The following CARHSP1 variants were observed in gnomAD, a reference collection of about 807,000 sequenced individuals.
CARHSP1 encodes the protein calcium regulated heat stable protein 1, also known as calcium-regulated heat-stable protein 1.
In CARHSP1, 14 loss-of-function variants were observed where a neutral mutation model predicts 12.5. The ratio of observed to expected loss-of-function variants is 1.12; its 90% CI spans 0.74 to 1.75. The LOEUF is 1.75. Ranked by LOEUF, CARHSP1 falls within the 40% of genes most tolerant of loss-of-function variation. The pLI is 0.00. For missense variants in CARHSP1, 343 were observed against 201.6 expected (o/e 1.70, Z -4.25); for synonymous variants, 161 against 82.0 (o/e 1.96, Z -5.20).
At chr16:8,857,261 C>CTGTTTTTTGTTTTTTGTTTTT (rs1278325573) in intron 3 of CARHSP1, among the ~76,000 whole-genome samples, 7 of 44,306 alleles carry the variant, frequency 1.6e-4, no homozygotes, top group South Asian at 8.9e-4. Flanking sequence ...TTGGGCAGAT[C>CTGTTTTTTGTTTTTTGTTTTT]TGTTTTTTTT....
At chr16:8,861,680 C>G (rs1042935977) in intron 1 of CARHSP1, 2 of 1,289,098 alleles carry the variant, frequency 1.6e-6, no homozygotes, top group Non-Finnish European at 2.0e-6. Context: ...TGTCCCTTCT[C>G]TCAGCTACAG....
At chr16:8,863,768 G>T (rs1487658700) in intron 1 of CARHSP1, among the ~76,000 whole-genome samples, 1 of 152,124 alleles carries the variant, frequency 6.6e-6, no homozygotes, top group Admixed American at 6.5e-5. Context: ...GAAAACAACT[G>T]GGGGGCGGGT....
rs1267445297 is a variant in CARHSP1 at position 8,859,420 on chromosome 16, A to C, written c.-7-85T>G. ...CCCCCATGTCCACGTCTGACAGTCC[A>C]GTATCTGAGGCTCATTCCTCTCGGG... On this transcript the variant is annotated intron_variant, in intron 1 of 3. Coordinates refer to ENST00000311052, the MANE Select transcript of CARHSP1 (RefSeq NM_014316.4). 5 of 1,232,202 alleles carry C rather than the reference A, an allele frequency of 4.1e-6. No homozygotes were observed. In the African/African-American group the frequency reaches 6.0e-5, roughly 15 times the overall value. 76.3% of individuals were successfully genotyped at this position (1,232,202 alleles called of 1,614,324 possible).
At chr16:8,866,483 T>A in intron 1 of CARHSP1, 1 of 985,262 alleles carries the variant, frequency 1.0e-6, no homozygotes, top group South Asian at 4.7e-5. Flanking sequence ...CCCATCCCAG[T>A]CTCCAGCGCA....
intron 1 of CARHSP1, among the ~76,000 whole-genome samples, chr16:8,862,575 G>A (rs1437318941): frequency 1.3e-5 from 2 of 152,160 alleles, no homozygotes; most frequent in African/African-American, 2.4e-5. Flanking sequence ...GGGGGAGAAG[G>A]GTGGGAATAC....
rs2061261082 is a variant in CARHSP1, at chr16:8,859,235, A to C, written c.94T>G (p.Ser32Ala). Residue 32 changes from serine to alanine, a missense_variant, in exon 2 of 4, where the codon TCC becomes GCC. Transcript: ENST00000311052. Reference protein sequence around the residue: ...DTPRSRERSPSPLRGNVVPSP... With the variant: ...DTPRSRERSPAPLRGNVVPSP... ...GGGACCACGTTGCCCCGCAGAGGGG[A>C]TGGTGAGCGCTCACGGCTCCGAGGG... 1.9e-6 allele frequency: 3 copies of C among 1,598,290 alleles called. No homozygotes were observed. Among genetic ancestry groups the C allele is most frequent in the Non-Finnish European group, 2.6e-6 (3 of 1,175,326 alleles).
chr16:8,858,327 A>C (rs769486241), intron 3 of CARHSP1, 23 bp downstream of exon 3: 2 of 1,609,916 alleles, frequency 1.2e-6, no homozygotes, highest in East Asian at 2.2e-5. Context: ...CAGCCAGGCC[A>C]CCCAGACCTG....
chr16:8,860,412 C>T, intron 1 of CARHSP1: 3 of 985,430 alleles, frequency 3.0e-6, no homozygotes, highest in Non-Finnish European at 3.6e-6. Context: ...GACAATTTTT[C>T]AAGAGCAGGA....
At chr16:8,868,892 G>A (rs1372260593) in intron 1 of CARHSP1, 74 bp downstream of exon 1, 2 of 152,054 alleles carry the variant, frequency 1.3e-5, no homozygotes, top group African/African-American at 2.4e-5. Context: ...AGGAGGCCGA[G>A]GCCCCACCCC....
chr16:8,857,263 GTTTTTTTTTTTTTTTTTTTTT>G (rs756390920), intron 3 of CARHSP1, among the ~76,000 whole-genome samples: 128 of 57,034 alleles, frequency 2.2e-3, no homozygotes, highest in Non-Finnish European at 4.1e-3. Context: ...GGGCAGATCT[GTTTTTTTTTTTTTTTTTTTTT>G]TTTTTTTTTT....
intron 3 of CARHSP1, among the ~76,000 whole-genome samples, chr16:8,857,263 G>GTTTTTTGTTGTTTTTTTTT (rs1315960023): frequency 1.8e-5 from 1 of 57,006 alleles, no homozygotes; most frequent in Non-Finnish European, 3.7e-5. Context: ...GGGCAGATCT[G>GTTTTTTGTTGTTTTTTTTT]TTTTTTTTTT....
chr16:8,866,184 G>A (rs570032595), intron 1 of CARHSP1, among the ~76,000 whole-genome samples: 4 of 152,212 alleles, frequency 2.6e-5, no homozygotes, highest in South Asian at 2.1e-4. Context: ...GACCTCCCAG[G>A]CTCAAGAGAT....
Position 8,859,627 on chromosome 16 carries a change from C to A in CARHSP1, c.-7-292G>T, listed in dbSNP as rs3743803. On this transcript the variant is annotated intron_variant, in intron 1 of 3. Coordinates refer to ENST00000311052, the MANE Select transcript of CARHSP1 (RefSeq NM_014316.4). Reference sequence around the variant, plus strand: ...TGTCCCCAGCACAAGGCATGGATCCCGGCACATTTGGGACACATAGTATTT... The same window carrying A: ...TGTCCCCAGCACAAGGCATGGATCCAGGCACATTTGGGACACATAGTATTT... 1.2e-4 allele frequency among the ~76,000 whole-genome samples: 19 copies of A among 152,100 alleles called. No homozygotes were observed. The East Asian group carries it at 3.7e-3, about 29-fold the overall frequency.
chr16:8,857,263 G>GTTTTTGTTTTTTGTTTTTT (rs2061150279), intron 3 of CARHSP1, among the ~76,000 whole-genome samples: 2 of 57,036 alleles, frequency 3.5e-5, no homozygotes, highest in East Asian at 8.9e-4. Context: ...GGGCAGATCT[G>GTTTTTGTTTTTTGTTTTTT]TTTTTTTTTT....
intron 3 of CARHSP1, among the ~76,000 whole-genome samples, chr16:8,857,281 T>TGTTTTTTG (rs1567181234): frequency 8.1e-5 from 10 of 123,046 alleles, no homozygotes; most frequent in African/African-American, 2.4e-4. Flanking sequence ...TTTTTTTTTT[T>TGTTTTTTG]TTTTTTTTTT....
rs766472244 is a variant in CARHSP1, at chr16:8,859,238, G to T, written c.91C>A (p.Pro31Thr). Residue 31 changes from proline (P) to threonine (T), a missense_variant, in exon 2 of 4, where the codon CCA becomes ACA. Transcript: ENST00000311052. The stretch of plus-strand genomic sequence containing the variant: ...ACCACGTTGCCCCGCAGAGGGGATG[G>T]TGAGCGCTCACGGCTCCGAGGGGTG... ...LDTPRSRERS[P>T]SPLRGNVVPS... 1 of 1,601,998 alleles carries T rather than the reference G, an allele frequency of 6.2e-7. No homozygotes were observed.
intron 2 of CARHSP1, 165 bp from the exon 3 acceptor site, chr16:8,858,637 A>C: frequency 1.2e-6 from 1 of 807,926 alleles, no homozygotes; most frequent in Non-Finnish European, 1.9e-6. Flanking sequence ...GGAGCCGCTC[A>C]CAAAGACGCT....
At chr16:8,861,608 TTC>T (rs747705335) in intron 1 of CARHSP1, 9 of 1,288,896 alleles carry the variant, frequency 7.0e-6, no homozygotes, top group African/African-American at 1.5e-5. Context: ...TGGGCCTCAG[TTC>T]TGTCGGGCTG....
At chr16:8,862,002 T>TTA (rs1241649375) in intron 1 of CARHSP1, among the ~76,000 whole-genome samples, 6 of 140,380 alleles carry the variant, frequency 4.3e-5, no homozygotes, top group Non-Finnish European at 7.8e-5. Flanking sequence ...TTTTTTTTTT[T>TTA]TTTTTTTTTT....
Sources: gnomAD v4.1 joint callset for allele counts (sites outside exome capture counted in the v4.1 genomes callset) on GRCh38, gnomAD v4.1.1 for gene constraint, MANE v1.5 for transcripts, NCBI Gene and HGNC (gene_info 2026-07-23, HGNC 2026-07-21) for gene names.